BYSL: variants seen among roughly 807,000 people sequenced by gnomAD.
The protein encoded by BYSL is bystin like.
Under a neutral mutation model 45.4 loss-of-function variants are expected in BYSL, and 21 were observed. That is an observed-to-expected ratio of 0.46 (90% CI 0.33 to 0.67). The LOEUF is 0.67. Among genes scored for constraint, BYSL ranks in the 30% least tolerant of loss-of-function variants. The probability of loss-of-function intolerance (pLI) is 0.02; values close to 1 mark genes in which losing one functional copy is unlikely to be tolerated. For synonymous variants in BYSL, 215 were observed against 231.3 expected (o/e 0.93, Z 0.64); for missense variants, 522 against 578.5 (o/e 0.90, Z 1.00).
At chr6:41,921,371 G>A (rs751328457), upstream of BYSL, 541 of 704,172 alleles carry the variant, frequency 7.7e-4, no homozygotes, top group Non-Finnish European at 1.1e-3. Context: ...ATATATTCGG[G>A]AGTCCAGCTC....
chr6:41,925,001 C>T (rs1343262288), intron 1 of BYSL, among the ~76,000 whole-genome samples: 2 of 152,022 alleles, frequency 1.3e-5, no homozygotes, highest in Admixed American at 6.6e-5. Context: ...GACGATGGTG[C>T]CGTTTACTGA....
At position 41,932,902 on chromosome 6, in the gene BYSL, C is replaced by T; in HGVS notation, c.*196C>T. On this transcript the variant is annotated 3_prime_UTR_variant, in exon 7 of 7. Coordinates refer to ENST00000230340, the MANE Select transcript of BYSL (RefSeq NM_004053.4). The surrounding 1 kb of genome is among the most constrained non-coding windows in gnomAD (Gnocchi z 4.7). Reference sequence around the variant, plus strand: ...CTGGTTCCCTCTTCCATTCTAGGCCCTTATCCCTGTTTAGTTCTGAGAGCC... The same window carrying T: ...CTGGTTCCCTCTTCCATTCTAGGCCTTTATCCCTGTTTAGTTCTGAGAGCC... 1 of 623,114 alleles carries T rather than the reference C, an allele frequency of 1.6e-6. No individual in the cohort carries two copies. Among genetic ancestry groups the T allele is most frequent in the Non-Finnish European group, 2.7e-6 (1 of 365,278 alleles). 38.6% of individuals were successfully genotyped at this position (623,114 alleles called of 1,614,324 possible).
chr6:41,932,699 T>C lies in BYSL; in HGVS notation c.1307T>C (p.Val436Ala). 3 of 1,606,126 alleles carry C rather than the reference T, an allele frequency of 1.9e-6. No individual in the cohort carries two copies. Among genetic ancestry groups the C allele is most frequent in the Non-Finnish European group, 2.6e-6 (3 of 1,174,166 alleles). Reference protein sequence around the residue: ...PRDVEDVPITVE With the variant: ...PRDVEDVPITAE Reference sequence around the variant, plus strand: ...GATGTGGAAGATGTTCCCATCACCGTGGAGTGAGGAAAACAGTCAGCTGTC... The same window carrying C: ...GATGTGGAAGATGTTCCCATCACCGCGGAGTGAGGAAAACAGTCAGCTGTC... The change falls in exon 7 of 7, where the codon GTG becomes GCG. Residue 436 changes from valine to alanine, a missense_variant. Coordinates refer to ENST00000230340, the MANE Select transcript of BYSL (RefSeq NM_004053.4). This position sits in a 1 kb window ranked among gnomAD's most constrained non-coding sequence, Gnocchi z 4.7.
At chr6:41,927,691 AC>A in intron 2 of BYSL, 155 bp downstream of exon 2, 2 of 835,224 alleles carry the variant, frequency 2.4e-6, no homozygotes, top group Non-Finnish European at 3.6e-6. Flanking sequence ...TCCTCAAAGG[AC>A]CACTGTGAGT....
At chr6:41,927,255 A>G in intron 1 of BYSL, 119 bp from the exon 2 acceptor site, 2 of 1,258,818 alleles carry the variant, frequency 1.6e-6, no homozygotes, top group South Asian at 1.5e-5. Context: ...TTCACTGCAC[A>G]TACCTGCGTC....
At chr6:41,921,914 T>C in intron 1 of BYSL, 84 bp downstream of exon 1, 1 of 1,475,094 alleles carries the variant, frequency 6.8e-7, no homozygotes, top group Non-Finnish European at 9.0e-7. Context: ...GGCAGGGGAA[T>C]TGCTTCGAGT....
In BYSL at chr6:41,931,732, C is replaced by A. The variant is rs2127386788; in HGVS notation, c.870C>A (p.Ile290=). The A allele has an allele frequency of 6.2e-7, 1 of 1,614,068 alleles. No homozygotes were observed. Among genetic ancestry groups the A allele is most frequent in the East Asian group, 2.2e-5 (1 of 44,876 alleles). ...LFKPGAWFKG[I]LIPLCESGTC... Reference sequence around the variant, plus strand: ...CTGCCCTTTGACTCTCCCTAGGGATCCTGATTCCACTGTGCGAGTCTGGCA... The same window carrying A: ...CTGCCCTTTGACTCTCCCTAGGGATACTGATTCCACTGTGCGAGTCTGGCA... Residue 290 remains isoleucine (I), a synonymous_variant, in exon 6 of 7, where the codon ATC becomes ATA. Transcript: ENST00000230340.
chr6:41,931,125 A>AG (rs773164371), intron 4 of BYSL, among the ~76,000 whole-genome samples: 41,376 of 150,874 alleles, frequency 0.27, 5,997 homozygotes, highest in African/African-American at 0.35. Context: ...AGGGCTACTC[A>AG]ACTGATGCTG....
At position 41,932,453 on chromosome 6, in the gene BYSL, A is replaced by T. The variant is rs1775654482; in HGVS notation, c.1061A>T (p.Tyr354Phe). The stretch of plus-strand genomic sequence containing the variant: ...CTGGATAAGAAGTATGCACTGCCTT[A>T]CCGGGTGCTGGATGCCCTAGTCTTC... ...LLLDKKYALP[Y>F]RVLDALVFHF... The change falls in exon 7 of 7, where the codon TAC (tyrosine) becomes TTC (phenylalanine). Residue 354 changes from tyrosine to phenylalanine, a missense_variant. Transcript: ENST00000230340. This position sits in a 1 kb window ranked among gnomAD's most constrained non-coding sequence, Gnocchi z 4.7. 1 of 1,614,186 alleles carries T rather than the reference A, an allele frequency of 6.2e-7. No individual in the cohort carries two copies. The highest frequency in any genetic ancestry group is 8.5e-7 in the Non-Finnish European group (1 of 1,180,034).
chr6:41,921,871 T>C (rs752395393), intron 1 of BYSL, 41 bp downstream of exon 1: 1 of 1,578,092 alleles, frequency 6.3e-7, no homozygotes, highest in Non-Finnish European at 8.6e-7. Context: ...CAGTGGCCAG[T>C]AGTGGGGCGG....
rs1775583883 is a variant in BYSL at position 41,927,749 on chromosome 6, TTGTAC to T, written c.431+214_431+218del. Reference sequence around the variant, plus strand: ...AACATTGTGTCCTTATGTCCATTTGTTGTACAACTGCCCAGTTGCCAGGGAAACAG... The same window carrying T: ...AACATTGTGTCCTTATGTCCATTTGTAACTGCCCAGTTGCCAGGGAAACAG... On this transcript the variant is annotated intron_variant, in intron 2 of 6. Coordinates refer to ENST00000230340, the MANE Select transcript of BYSL (RefSeq NM_004053.4). 1.1e-4 allele frequency: 58 copies of T among 534,526 alleles called. 1 individual carries two copies. The South Asian group carries it at 1.4e-3, about 13-fold the overall frequency. The allele number at this position is 534,526 out of a possible 1,614,324, so 33.1% of individuals were successfully genotyped here.
the BYSL span, among the ~76,000 whole-genome samples, chr6:41,910,738 A>G: frequency 6.6e-6 from 1 of 152,062 alleles, no homozygotes; most frequent in South Asian, 2.1e-4. Flanking sequence ...TGCTTATTAC[A>G]TATATAAGCC....
rs1775625265 is a variant in BYSL at position 41,930,713 on chromosome 6, C to G, written c.649C>G (p.Leu217Val). 6 of 1,614,106 alleles carry G rather than the reference C, an allele frequency of 3.7e-6. No individual in the cohort carries two copies. Among genetic ancestry groups the G allele is most frequent in the Non-Finnish European group, 5.1e-6 (6 of 1,179,974 alleles). Residue 217 changes from leucine (L) to valine (V), a missense_variant, in exon 4 of 7, where the codon CTC becomes GTC. Physicochemically the swap from Leu to Val is conservative, Grantham distance 32. Transcript: ENST00000230340. The stretch of plus-strand genomic sequence containing the variant: ...TGCACTCTCCAACTGGGAGCAAATC[C>G]TCTACGTCACAGAGCCGGAGGCCTG... ...IPALSNWEQI[L>V]YVTEPEAWTA...
chr6:41,925,142 A>C (rs1775545042), intron 1 of BYSL, among the ~76,000 whole-genome samples: 1 of 152,190 alleles, frequency 6.6e-6, no homozygotes, highest in Admixed American at 6.5e-5. Context: ...AGGGTCTGGC[A>C]CTAAGGAGAA....
upstream of BYSL, chr6:41,920,812 G>T: frequency 1.8e-6 from 1 of 553,982 alleles, no homozygotes; most frequent in Non-Finnish European, 3.0e-6. Flanking sequence ...TTGCTTTCCC[G>T]CCTTCCAAGA....
chr6:41,916,923 C>G, upstream of BYSL: 1 of 1,614,014 alleles, frequency 6.2e-7, no homozygotes, highest in Non-Finnish European at 8.5e-7. Flanking sequence ...CCCTCGGCCA[C>G]AGGCATCTGG....
chr6:41,911,697 G>A, the BYSL span, among the ~76,000 whole-genome samples: 4 of 152,140 alleles, frequency 2.6e-5, no homozygotes, highest in Admixed American at 1.3e-4. Context: ...CGAGGGCGGC[G>A]AGAGCAGAGG....
intron 1 of BYSL, 23 bp downstream of exon 1, chr6:41,921,853 G>A (rs776828191): frequency 6.2e-7 from 1 of 1,601,892 alleles, no homozygotes; most frequent in South Asian, 1.1e-5. Flanking sequence ...GATGAGGTCC[G>A]AGGAAGACAG....
intron 1 of BYSL, among the ~76,000 whole-genome samples, chr6:41,923,531 A>G (rs965555051): frequency 6.6e-6 from 1 of 152,150 alleles, no homozygotes. Flanking sequence ...TCCTGACTTC[A>G]GGTCATCGTC....
Sources: allele counts gnomAD v4.1 joint callset (sites outside exome capture counted in the v4.1 genomes callset), GRCh38; gene constraint gnomAD v4.1.1; non-coding constraint Gnocchi (gnomAD v3.1); transcripts MANE v1.5; gene names NCBI Gene and HGNC (gene_info 2026-07-23, HGNC 2026-07-21).